Variants in MRPS9 observed in about 807,000 individuals in gnomAD.
MRPS9 encodes mitochondrial ribosomal protein S9.
MRPS9 carries 45 observed loss-of-function variants against 59.9 expected under a neutral mutation model. The ratio of observed to expected loss-of-function variants is 0.75; its 90% CI spans 0.59 to 0.96. MRPS9 has a LOEUF of 0.96. Among genes scored for constraint, MRPS9 ranks in the 40% least tolerant of loss-of-function variants. The pLI, the probability that MRPS9 is intolerant of heterozygous loss-of-function variation, is 0.00. For missense variants in MRPS9, 473 were observed against 481.1 expected (o/e 0.98, Z 0.16); for synonymous variants, 171 against 166.8 (o/e 1.03, Z -0.19).
intron 1 of MRPS9, among the ~76,000 whole-genome samples, chr2:105,047,871 T>C (rs534265425): frequency 6.6e-6 from 1 of 152,038 alleles, no homozygotes; most frequent in African/African-American, 2.4e-5. Flanking sequence ...TTAAAAGATA[T>C]GCGAGCCCTT....
At chr2:105,091,560 A>C in intron 7 of MRPS9, 1 of 298,678 alleles carries the variant, frequency 3.3e-6, no homozygotes, top group African/African-American at 2.2e-5. Context: ...TCAAACTATT[A>C]ATGGCAGATT....
chr2:105,091,376 G>A (rs1680554930), intron 7 of MRPS9: 1 of 471,096 alleles, frequency 2.1e-6, no homozygotes, highest in South Asian at 1.5e-5. Context: ...GCTGAGCACA[G>A]AACGCCCAGG....
intron 2 of MRPS9, among the ~76,000 whole-genome samples, chr2:105,052,846 T>C (rs1679737521): frequency 6.6e-6 from 1 of 152,228 alleles, no homozygotes; most frequent in African/African-American, 2.4e-5. Flanking sequence ...GTAACTGTTC[T>C]TAGCAGGAGG....
At chr2:105,084,104 C>A (rs760621259) in intron 5 of MRPS9, among the ~76,000 whole-genome samples, 24 of 152,082 alleles carry the variant, frequency 1.6e-4, no homozygotes, top group Non-Finnish European at 2.9e-4. Flanking sequence ...AAGTATGCAA[C>A]TCTAAACACT....
rs753563686 is a variant in MRPS9, at chr2:105,080,093, T to C, written c.489+31T>C. The C allele has an allele frequency of 5.5e-6, 8 of 1,467,462 alleles. No individual in the cohort carries two copies. The East Asian group carries it at 1.6e-4, about 30-fold the overall frequency. The allele number at this position is 1,467,462 out of a possible 1,614,324, so 90.9% of individuals were successfully genotyped here. A position where few individuals can be genotyped will look rare whatever the true frequency, so the allele number is the denominator to read the frequency against. ...TATATTGCATTTATGATAAATAATATGAGCTGTAAGCTACAAAACTAATTA... is the reference window on the plus strand; with the variant it reads ...TATATTGCATTTATGATAAATAATACGAGCTGTAAGCTACAAAACTAATTA... On this transcript the variant is annotated intron_variant, in intron 5 of 10. Coordinates refer to ENST00000258455, the MANE Select transcript of MRPS9 (RefSeq NM_182640.3).
At chr2:105,094,631 G>A (rs1204452750) in intron 9 of MRPS9, among the ~76,000 whole-genome samples, 1 of 152,170 alleles carries the variant, frequency 6.6e-6, no homozygotes, top group Non-Finnish European at 1.5e-5. Context: ...TTATTTGTGT[G>A]TGCCTGTGTC....
chr2:105,038,196 C>G lies in MRPS9; in HGVS notation c.104C>G (p.Ala35Gly). ...ARKQGLWKTAAPELQTNVRSQ... is the reference protein window; with the variant it reads ...ARKQGLWKTAGPELQTNVRSQ... ...AAGCAAGGCCTCTGGAAAACCGCGG[C>G]CCCTGAGTTGCAAACAAATGTCAGA... Residue 35 changes from alanine (A) to glycine (G), a missense_variant, in exon 1 of 11, where the codon GCC (alanine) becomes GGC (glycine). Coordinates refer to ENST00000258455, the MANE Select transcript of MRPS9 (RefSeq NM_182640.3). 1 of 1,613,018 alleles carries G rather than the reference C, an allele frequency of 6.2e-7. No individual in the cohort carries two copies. Among genetic ancestry groups the G allele is most frequent in the Non-Finnish European group, 8.5e-7 (1 of 1,179,520 alleles).
Position 105,038,090 on chromosome 2 carries a change from A to C in MRPS9, c.-3A>C. On this transcript the variant is annotated 5_prime_UTR_variant, in exon 1 of 11. Coordinates refer to ENST00000258455, the MANE Select transcript of MRPS9 (RefSeq NM_182640.3). ...CTCCGGTCCTGGAGCTCCCACAGCT[A>C]ACATGGCGGCGCCCTGTGTGTCCTA... The C allele has an allele frequency of 3.1e-6, 5 of 1,613,586 alleles. No homozygotes were observed. Among genetic ancestry groups the C allele is most frequent in the Non-Finnish European group, 4.2e-6 (5 of 1,179,930 alleles).
chr2:105,098,426 A>T (rs1350413434), intron 10 of MRPS9, among the ~76,000 whole-genome samples: 1 of 152,148 alleles, frequency 6.6e-6, no homozygotes, highest in Admixed American at 6.5e-5. Flanking sequence ...TAAAAACACT[A>T]CCTATGGCTT....
intron 2 of MRPS9, among the ~76,000 whole-genome samples, chr2:105,054,395 G>C (rs545673724): frequency 1.3e-5 from 2 of 152,284 alleles, no homozygotes; most frequent in Admixed American, 6.5e-5. Flanking sequence ...GACTATACGG[G>C]AGGTTGCTTT....
intron 2 of MRPS9, among the ~76,000 whole-genome samples, chr2:105,063,023 G>A (rs549950483): frequency 6.6e-6 from 1 of 152,298 alleles, no homozygotes; most frequent in East Asian, 1.9e-4. Flanking sequence ...AACACCTGAA[G>A]AATTGGCTTC....
At chr2:105,091,795 TA>T (rs377760906) in intron 7 of MRPS9, among the ~76,000 whole-genome samples, 2 of 152,138 alleles carry the variant, frequency 1.3e-5, no homozygotes, top group East Asian at 3.9e-4. Flanking sequence ...CAAGAACTAT[TA>T]AAAAAAATGC....
At chr2:105,077,261 A>T (rs1017083311) in intron 4 of MRPS9, among the ~76,000 whole-genome samples, 9 of 151,812 alleles carry the variant, frequency 5.9e-5, no homozygotes, top group African/African-American at 1.9e-4. Flanking sequence ...AAAAAAGAAG[A>T]AGAAAAGAAA....
Position 105,092,561 on chromosome 2 carries a change from A to G in MRPS9, c.812A>G (p.Lys271Arg), listed in dbSNP as rs377378245. 2 of 1,577,174 alleles carry G rather than the reference A, an allele frequency of 1.3e-6. No individual in the cohort carries two copies. The highest frequency in any genetic ancestry group is 1.4e-5 in the African/African-American group (1 of 73,628). ...QYDEQGMAFS[K>R]SEGKRKTAKA... ...GATGAGCAAGGAATGGCCTTTAGCA[A>G]AAGTGAAGGTAATGACATTCTGTGG... Residue 271 changes from lysine to arginine, a missense_variant, in exon 8 of 11, where the codon AAA (lysine) becomes AGA (arginine). Lys to Arg is a conservative substitution (Grantham distance 26). Coordinates refer to ENST00000258455, the MANE Select transcript of MRPS9 (RefSeq NM_182640.3).
rs200121901 is a variant in MRPS9 at position 105,038,110 on chromosome 2, G to A, written c.18G>A (p.Val6=). ...CAGCTAACATGGCGGCGCCCTGTGT[G>A]TCCTACGGCGGAGCAGTTTCGTACC... The part of the protein sequence containing the change: MAAPC[V]SYGGAVSYRL... The change falls in exon 1 of 11, where the codon GTG becomes GTA. Residue 6 remains valine (V), a synonymous_variant. Coordinates refer to ENST00000258455, the MANE Select transcript of MRPS9 (RefSeq NM_182640.3). 6.2e-7 allele frequency: 1 copy of A among 1,613,964 alleles called. No homozygotes were observed. The highest frequency in any genetic ancestry group is 2.2e-5 in the East Asian group (1 of 44,870).
At chr2:105,048,889 T>A (rs1252803987) in intron 1 of MRPS9, among the ~76,000 whole-genome samples, 1 of 151,980 alleles carries the variant, frequency 6.6e-6, no homozygotes, top group Non-Finnish European at 1.5e-5. Context: ...AGTGGATGTT[T>A]AAAATAGATC....
intron 2 of MRPS9, among the ~76,000 whole-genome samples, chr2:105,070,323 G>A (rs13431067): frequency 1.3e-5 from 2 of 152,098 alleles, no homozygotes; most frequent in African/African-American, 2.4e-5. Flanking sequence ...AGTTGAATAA[G>A]AGAATGAAGC....
chr2:105,053,799 A>G (rs1423820964), intron 2 of MRPS9, among the ~76,000 whole-genome samples: 1 of 152,242 alleles, frequency 6.6e-6, no homozygotes, highest in Non-Finnish European at 1.5e-5. Context: ...TATATATGGT[A>G]AAAGCAACTT....
At chr2:105,073,582 C>T (rs1680154487) in intron 4 of MRPS9, among the ~76,000 whole-genome samples, 1 of 152,024 alleles carries the variant, frequency 6.6e-6, no homozygotes, top group Admixed American at 6.5e-5. Flanking sequence ...TAACACTTTC[C>T]TTATTAAAAG....
Sources: gnomAD v4.1 joint callset for allele counts (sites outside exome capture counted in the v4.1 genomes callset) on GRCh38, gnomAD v4.1.1 for gene constraint, MANE v1.5 for transcripts, NCBI Gene and HGNC (gene_info 2026-07-23, HGNC 2026-07-21) for gene names.